Variants in KAT6B observed in about 807,000 individuals in gnomAD.
KAT6B encodes histone acetyltransferase KAT6B.
Under a neutral mutation model 187.5 loss-of-function variants are expected in KAT6B, and 10 were observed. The observed-to-expected ratio is 0.05, with a 90% CI of 0.03 to 0.09. The LOEUF (loss-of-function observed/expected upper bound fraction) is 0.09, where lower values mean the gene tolerates loss of function less well. Ranked by LOEUF, KAT6B falls within the 10% of genes least tolerant of loss-of-function variation. KAT6B has a pLI of 1.00. For synonymous variants in KAT6B, 861 were observed against 926.8 expected (o/e 0.93, Z 1.29); for missense variants, 1,952 against 2,558.9 (o/e 0.76, Z 5.12).
At chr10:74,882,763 A>G (rs779707733) in intron 3 of KAT6B, among the ~76,000 whole-genome samples, 13 of 152,244 alleles carry the variant, frequency 8.5e-5, no homozygotes, top group African/African-American at 2.2e-4. Flanking sequence ...AGGAAATTCT[A>G]TAGTATTTAA....
chr10:74,934,258 A>G (rs1849085844), intron 3 of KAT6B, among the ~76,000 whole-genome samples: 1 of 151,154 alleles, frequency 6.6e-6, no homozygotes, highest in Admixed American at 6.6e-5. Context: ...AATTAGCTGT[A>G]CTATTAGAAT....
intron 3 of KAT6B, among the ~76,000 whole-genome samples, chr10:74,854,645 C>G (rs922425396): frequency 6.6e-6 from 1 of 152,250 alleles, no homozygotes; most frequent in African/African-American, 2.4e-5. Context: ...GTTAATTTGA[C>G]AAGTGGGTTT....
chr10:74,986,575 A>G (rs979230720), intron 12 of KAT6B, among the ~76,000 whole-genome samples: 4 of 152,248 alleles, frequency 2.6e-5, no homozygotes, highest in Non-Finnish European at 4.4e-5. Flanking sequence ...AACAGCATTC[A>G]TGGAAAACTG....
At chr10:74,993,222 G>A (rs1339227495) in intron 13 of KAT6B, among the ~76,000 whole-genome samples, 3 of 152,190 alleles carry the variant, frequency 2.0e-5, no homozygotes, top group Middle Eastern at 3.2e-3. Flanking sequence ...GACTGCTTCT[G>A]CTGCTGGGGC....
intron 12 of KAT6B, among the ~76,000 whole-genome samples, chr10:74,987,816 C>T (rs189259652): frequency 1.3e-5 from 2 of 152,234 alleles, no homozygotes; most frequent in Non-Finnish European, 2.9e-5. Flanking sequence ...AGGATGAATT[C>T]TCTTAACCCA....
intron 3 of KAT6B, among the ~76,000 whole-genome samples, chr10:74,887,989 A>C: frequency 6.6e-6 from 1 of 152,206 alleles, no homozygotes. Context: ...CTGTCTGGAA[A>C]AAAAAAGAGA....
At chr10:74,851,333 ATTTTTTT>A (rs1212836217) in intron 3 of KAT6B, among the ~76,000 whole-genome samples, 3 of 128,328 alleles carry the variant, frequency 2.3e-5, no homozygotes, top group Non-Finnish European at 5.0e-5. Flanking sequence ...GATAAGAATG[ATTTTTTT>A]TTTTTTTTTT....
chr10:74,989,069 C>T lies in KAT6B; in HGVS notation c.2586C>T (p.Pro862=), dbSNP rs1192582369. The change falls in exon 13 of 18, where the codon CCC becomes CCT. Residue 862 remains proline, a synonymous_variant. Transcript: ENST00000287239. Reference sequence around the variant, plus strand: ...ATGTCTCCTGCATAATGATCATGCCCCAGCACCAAAGGCAAGGATTTGGAC... The same window carrying T: ...ATGTCTCCTGCATAATGATCATGCCTCAGCACCAAAGGCAAGGATTTGGAC... ...KYNVSCIMIM[P]QHQRQGFGRF... 1.9e-6 allele frequency: 3 copies of T among 1,614,024 alleles called. No individual in the cohort carries two copies. The highest frequency in any genetic ancestry group is 1.6e-4 in the Middle Eastern group (1 of 6,062).
At chr10:74,952,772 C>T (rs1462825184) in intron 3 of KAT6B, among the ~76,000 whole-genome samples, 5 of 151,516 alleles carry the variant, frequency 3.3e-5, no homozygotes, top group African/African-American at 9.7e-5. Flanking sequence ...CTGCAACCTC[C>T]GCCTCCCGGG....
intron 17 of KAT6B, 55 bp downstream of exon 17, chr10:75,025,304 G>A: frequency 6.3e-7 from 1 of 1,588,876 alleles, no homozygotes; most frequent in Non-Finnish European, 8.6e-7. Flanking sequence ...ATCTGACTGG[G>A]TGCCAAAGAG....
At chr10:74,831,867 C>G (rs1338745093) in intron 1 of KAT6B, among the ~76,000 whole-genome samples, 1 of 152,240 alleles carries the variant, frequency 6.6e-6, no homozygotes, top group Non-Finnish European at 1.5e-5. Context: ...CCAATATCCC[C>G]TAGCCTAGGT....
rs1843571455 is a variant in KAT6B, at chr10:74,998,146, G to T, written c.2629+9034G>T. On this transcript the variant is annotated intron_variant, in intron 13 of 17. Coordinates refer to ENST00000287239, the MANE Select transcript of KAT6B (RefSeq NM_012330.4). The stretch of plus-strand genomic sequence containing the variant: ...ACATAAAACAAAAAATAGAGACAGG[G>T]TCTTGCTATGTTGCCCAGGCTGGTC... 5.3e-5 allele frequency among the ~76,000 whole-genome samples: 8 copies of T among 151,734 alleles called. No homozygotes were observed. In the South Asian group the frequency reaches 1.7e-3, roughly 32 times the overall value.
intron 3 of KAT6B, among the ~76,000 whole-genome samples, chr10:74,912,801 T>C (rs1847341282): frequency 5.9e-5 from 9 of 152,248 alleles, no homozygotes; most frequent in South Asian, 4.1e-4. Context: ...GTCAAGCTAA[T>C]GACCCATGTA....
rs1842213115 is a variant in KAT6B at position 74,977,186 on chromosome 10, G to C, written c.1994-130G>C. The C allele has an allele frequency of 5.6e-6, 5 of 895,250 alleles. No individual in the cohort carries two copies. In the South Asian group the frequency reaches 7.4e-5, roughly 13 times the overall value. 55.5% of individuals were successfully genotyped at this position (895,250 alleles called of 1,614,324 possible). A position where few individuals can be genotyped will look rare whatever the true frequency, so the allele number is the denominator to read the frequency against. ...CTATGAGCAGTGCTTAGATGTAAAAGCTTATTTATAAAGCTTTAAAAAAAA... is the reference window on the plus strand; with the variant it reads ...CTATGAGCAGTGCTTAGATGTAAAACCTTATTTATAAAGCTTTAAAAAAAA... On this transcript the variant is annotated intron_variant, in intron 8 of 17. Transcript: ENST00000287239.
intron 3 of KAT6B, among the ~76,000 whole-genome samples, chr10:74,878,619 C>CAA (rs11365400): frequency 0.019 from 1,331 of 71,902 alleles, 29 homozygotes; most frequent in African/African-American, 0.034. Context: ...GACTCCATCT[C>CAA]AAAAAAAAAA....
intron 3 of KAT6B, among the ~76,000 whole-genome samples, chr10:74,905,170 A>G (rs957135487): frequency 6.6e-6 from 1 of 152,224 alleles, no homozygotes; most frequent in African/African-American, 2.4e-5. Flanking sequence ...ACAGTACAAA[A>G]AAACACAGAT....
intron 3 of KAT6B, among the ~76,000 whole-genome samples, chr10:74,850,555 T>C (rs973252669): frequency 5.9e-5 from 9 of 152,220 alleles, no homozygotes; most frequent in African/African-American, 2.2e-4. Context: ...CATAAATTCT[T>C]TGTATTTATT....
intron 13 of KAT6B, among the ~76,000 whole-genome samples, chr10:74,991,335 G>A (rs1311500246): frequency 6.6e-6 from 1 of 152,114 alleles, no homozygotes; most frequent in Non-Finnish European, 1.5e-5. Flanking sequence ...AAATTAAAAA[G>A]GAACTGGTAC....
chr10:74,939,050 AACACACACACAC>A (rs112617639), intron 3 of KAT6B, among the ~76,000 whole-genome samples: 36 of 145,778 alleles, frequency 2.5e-4, no homozygotes, highest in African/African-American at 7.3e-4. Context: ...TTATTTTCTT[AACACACACACAC>A]ACACACACAC....
Sources: allele counts gnomAD v4.1 joint callset (sites outside exome capture counted in the v4.1 genomes callset), GRCh38; gene constraint gnomAD v4.1.1; transcripts MANE v1.5; gene names NCBI Gene and HGNC (gene_info 2026-07-23, HGNC 2026-07-21).